ENTHD1: variants seen among roughly 807,000 people sequenced by gnomAD.
ENTHD1 encodes ENTH domain-containing protein 1.
ENTHD1 carries 23 observed loss-of-function variants against 39.1 expected under a neutral mutation model. That is an observed-to-expected ratio of 0.59 (90% confidence interval 0.42 to 0.83). The LOEUF is 0.83. Ranked by LOEUF, ENTHD1 falls within the 40% of genes least tolerant of loss-of-function variation. The probability of loss-of-function intolerance (pLI) is 0.00; values close to 1 mark genes in which losing one functional copy is unlikely to be tolerated. For synonymous variants in ENTHD1, 230 were observed against 258.2 expected (o/e 0.89, Z 1.05); for missense variants, 624 against 705.4 (o/e 0.88, Z 1.31).
At chr22:39,769,125 T>G (rs752356898) in intron 5 of ENTHD1, among the ~76,000 whole-genome samples, 2 of 152,018 alleles carry the variant, frequency 1.3e-5, no homozygotes, top group Non-Finnish European at 2.9e-5. Flanking sequence ...CACCGGTGTA[T>G]GTACAATAAA....
chr22:39,819,652 A>G (rs2146646837), intron 5 of ENTHD1, among the ~76,000 whole-genome samples: 1 of 152,296 alleles, frequency 6.6e-6, no homozygotes, highest in Non-Finnish European at 1.5e-5. Context: ...GTCTGATACT[A>G]TAATGGTGGA....
At chr22:39,775,648 C>T (rs953406138) in intron 5 of ENTHD1, among the ~76,000 whole-genome samples, 1 of 152,106 alleles carries the variant, frequency 6.6e-6, no homozygotes. Context: ...TAAAGAGACT[C>T]GATTTCCCCT....
intron 6 of ENTHD1, among the ~76,000 whole-genome samples, chr22:39,749,839 G>GAA (rs2146532733): frequency 6.6e-6 from 1 of 152,328 alleles, no homozygotes; most frequent in Admixed American, 6.5e-5. Context: ...TGAGCGAAGG[G>GAA]TTCCAGGGCT....
rs138025066 is a variant in ENTHD1 at position 39,801,925 on chromosome 22, G to A, written c.832+19068C>T. ...TAATTTGTTTTTTCAAGGAAGGAGA[G>A]CCATATTAAAGAAATAGGGAAAACA... On this transcript the variant is annotated intron_variant, in intron 5 of 6. Transcript: ENST00000325157. Among the ~76,000 whole-genome samples the A allele has an allele frequency of 9.9e-5, 15 of 152,080 alleles. No homozygotes were observed. In the East Asian group the frequency reaches 2.5e-3, roughly 25 times the overall value.
In ENTHD1 at chr22:39,805,379, T is replaced by C. The variant is rs113720047; in HGVS notation, c.832+15614A>G. On this transcript the variant is annotated intron_variant, in intron 5 of 6. Coordinates refer to ENST00000325157, the MANE Select transcript of ENTHD1 (RefSeq NM_152512.4). ...TCAAAGTCCCTTACTATGTGAGATGTGTGAGAGACTAGCAGTTTTTGCGCA... is the reference window on the plus strand; with the variant it reads ...TCAAAGTCCCTTACTATGTGAGATGCGTGAGAGACTAGCAGTTTTTGCGCA... Among the ~76,000 whole-genome samples the C allele has an allele frequency of 4.3e-3, 648 of 152,218 alleles. 11 individuals are homozygous for C. Among genetic ancestry groups the C allele is most frequent in the African/African-American group, 0.014 (598 of 41,504 alleles).
intron 5 of ENTHD1, among the ~76,000 whole-genome samples, chr22:39,811,717 C>T (rs1215979738): frequency 1.3e-5 from 2 of 152,154 alleles, no homozygotes; most frequent in African/African-American, 4.8e-5. Context: ...TGATGGCTCA[C>T]GCCTGTAATC....
chr22:39,800,048 A>G (rs1601602729), intron 5 of ENTHD1, among the ~76,000 whole-genome samples: 1 of 152,182 alleles, frequency 6.6e-6, no homozygotes, highest in Non-Finnish European at 1.5e-5. Flanking sequence ...GGAGCAATCT[A>G]TTGCAGTCTC....
chr22:39,759,416 A>C (rs1418124204), intron 6 of ENTHD1, among the ~76,000 whole-genome samples: 1 of 151,500 alleles, frequency 6.6e-6, no homozygotes, highest in Non-Finnish European at 1.5e-5. Context: ...TGTTCATAAT[A>C]CTCTCTCATA....
intron 2 of ENTHD1, among the ~76,000 whole-genome samples, chr22:39,880,208 C>T (rs962147708): frequency 6.6e-6 from 1 of 152,160 alleles, no homozygotes; most frequent in Admixed American, 6.5e-5. Flanking sequence ...CACTCCAGCC[C>T]AGTGACAGAA....
At chr22:39,789,074 C>T (rs1188071500) in intron 5 of ENTHD1, among the ~76,000 whole-genome samples, 1 of 152,050 alleles carries the variant, frequency 6.6e-6, no homozygotes, top group Non-Finnish European at 1.5e-5. Context: ...ATAATACATC[C>T]AAGGTATGCT....
chr22:39,765,680 AT>A, intron 5 of ENTHD1, 71 bp from the exon 6 acceptor site: 1 of 1,369,160 alleles, frequency 7.3e-7, no homozygotes. Context: ...ATCTGTTATA[AT>A]TTTAATAAAT....
chr22:39,820,902 C>T, intron 5 of ENTHD1, 91 bp downstream of exon 5: 1 of 1,418,676 alleles, frequency 7.0e-7, no homozygotes, highest in Non-Finnish European at 9.8e-7. Context: ...AGTTCTGTCC[C>T]TCATTAACAA....
At chr22:39,812,197 T>C (rs931717310) in intron 5 of ENTHD1, among the ~76,000 whole-genome samples, 3 of 152,080 alleles carry the variant, frequency 2.0e-5, no homozygotes, top group African/African-American at 7.2e-5. Flanking sequence ...ATAGGATTGG[T>C]TTAAACATGA....
intron 5 of ENTHD1, among the ~76,000 whole-genome samples, chr22:39,786,304 T>C (rs933896014): frequency 1.7e-4 from 26 of 152,206 alleles, no homozygotes; most frequent in Non-Finnish European, 2.9e-5. Context: ...GATGTTTTGA[T>C]CGTATATACA....
intron 2 of ENTHD1, among the ~76,000 whole-genome samples, chr22:39,881,835 T>G (rs2066341266): frequency 6.6e-6 from 1 of 151,980 alleles, no homozygotes; most frequent in South Asian, 2.1e-4. Flanking sequence ...CCAAAGGAGG[T>G]GGAAGAGCCA....
At chr22:39,781,222 A>G (rs2065407519) in intron 5 of ENTHD1, among the ~76,000 whole-genome samples, 1 of 152,210 alleles carries the variant, frequency 6.6e-6, no homozygotes, top group Non-Finnish European at 1.5e-5. Flanking sequence ...TTTCTTCAGC[A>G]CAAGGGCCGT....
chr22:39,757,691 A>T (rs556872351), intron 6 of ENTHD1, among the ~76,000 whole-genome samples: 36 of 152,066 alleles, frequency 2.4e-4, no homozygotes, highest in South Asian at 4.2e-4. Flanking sequence ...AAAAAAATTT[A>T]AAAATTTTAA....
At chr22:39,869,475 G>A (rs2066219459) in intron 2 of ENTHD1, among the ~76,000 whole-genome samples, 1 of 152,096 alleles carries the variant, frequency 6.6e-6, no homozygotes, top group Admixed American at 6.5e-5. Context: ...CTGGAAGTGG[G>A]AGGAGAGAAG....
At chr22:39,807,556 C>G (rs1295023961) in intron 5 of ENTHD1, among the ~76,000 whole-genome samples, 1 of 152,198 alleles carries the variant, frequency 6.6e-6, no homozygotes, top group Non-Finnish European at 1.5e-5. Context: ...AAACTTCCTT[C>G]CATTCTCCCA....
Sources: gnomAD v4.1 joint callset for allele counts (sites outside exome capture counted in the v4.1 genomes callset) on GRCh38, gnomAD v4.1.1 for gene constraint, MANE v1.5 for transcripts, NCBI Gene and HGNC (gene_info 2026-07-23, HGNC 2026-07-21) for gene names.